The following ITGAV variants were observed in gnomAD, a reference collection of about 807,000 sequenced individuals.
ITGAV encodes the protein integrin subunit alpha V, also known as integrin alpha-V.
ITGAV carries 76 observed loss-of-function variants against 143.8 expected under a neutral mutation model. The ratio of observed to expected loss-of-function variants is 0.53; its 90% CI spans 0.44 to 0.64. The LOEUF (loss-of-function observed/expected upper bound fraction) is 0.64. ITGAV is among the 30% of genes least tolerant of loss of function. The probability of loss-of-function intolerance (pLI) is 0.00; values close to 1 mark genes in which losing one functional copy is unlikely to be tolerated. For synonymous variants in ITGAV, 453 were observed against 446.7 expected (o/e 1.01, Z -0.18); for missense variants, 1,193 against 1,274.7 (o/e 0.94, Z 0.98).
chr2:186,604,625 A>G (rs1158174173), intron 2 of ITGAV, among the ~76,000 whole-genome samples: 1 of 152,140 alleles, frequency 6.6e-6, no homozygotes, highest in Non-Finnish European at 1.5e-5. Flanking sequence ...ACCCATGGCA[A>G]CCTCATTTAT....
chr2:186,633,631 A>G (rs191478837), intron 6 of ITGAV, among the ~76,000 whole-genome samples: 1 of 151,602 alleles, frequency 6.6e-6, no homozygotes, highest in Non-Finnish European at 1.5e-5. Context: ...ATATATTTTA[A>G]AAGTAATTAT....
At chr2:186,644,336 T>G (rs79704943) in intron 12 of ITGAV, among the ~76,000 whole-genome samples, 1 of 146,824 alleles carries the variant, frequency 6.8e-6, no homozygotes, top group East Asian at 2.0e-4. Context: ...TTGTTTTTTG[T>G]TTTTTTTTTA....
chr2:186,625,883 C>T (rs1687665025), intron 4 of ITGAV, among the ~76,000 whole-genome samples: 1 of 152,004 alleles, frequency 6.6e-6, no homozygotes, highest in Non-Finnish European at 1.5e-5. Context: ...TCAAAAGATG[C>T]TTAGTTGAAC....
chr2:186,655,681 A>G (rs1038587030), intron 16 of ITGAV, among the ~76,000 whole-genome samples: 1 of 152,248 alleles, frequency 6.6e-6, no homozygotes, highest in African/African-American at 2.4e-5. Context: ...CCTAATTGCT[A>G]CATCCTTTTA....
intron 3 of ITGAV, among the ~76,000 whole-genome samples, 169 bp downstream of exon 3, chr2:186,622,599 C>G (rs1687561159): frequency 6.6e-6 from 1 of 152,192 alleles, no homozygotes. Context: ...GAGGCCATCT[C>G]TCTTGCCCTT....
chr2:186,627,726 C>CTGT lies in ITGAV; in HGVS notation c.523+2139_523+2140insTGT, dbSNP rs761816834. 3.3e-5 allele frequency among the ~76,000 whole-genome samples: 5 copies of CTGT among 152,078 alleles called. No homozygotes were observed. The East Asian group carries it at 9.6e-4, about 29-fold the overall frequency. ...TAGTACAGTTGTGAGAGTTGAGTTG[C>CTGT]CACACTGTGTGGCTCCTGAGCCTAA... On this transcript the variant is annotated intron_variant, in intron 4 of 29. Transcript: ENST00000261023.
chr2:186,644,915 A>G (rs1574487059), intron 12 of ITGAV, among the ~76,000 whole-genome samples: 1 of 152,138 alleles, frequency 6.6e-6, no homozygotes, highest in Non-Finnish European at 1.5e-5. Context: ...GGCATCGTTG[A>G]TGTTTCAGGG....
chr2:186,625,428 A>G, intron 3 of ITGAV, 45 bp from the exon 4 acceptor site: 1 of 1,325,534 alleles, frequency 7.5e-7, no homozygotes, highest in Non-Finnish European at 1.1e-6. Context: ...GAAACACTAA[A>G]TTTTTAGAAA....
At position 186,590,405 on chromosome 2, in the gene ITGAV, C is replaced by T. The variant is rs201836720; in HGVS notation, c.67C>T (p.Leu23Phe). The part of the protein sequence containing the change: ...PRGLPLLLSG[L>F]LLPLCRAFNL... ...CGGCCTCCCGCTTCTTCTCTCGGGACTCCTGCTACCTCTGTGCCGCGCCTT... is the reference window on the plus strand; with the variant it reads ...CGGCCTCCCGCTTCTTCTCTCGGGATTCCTGCTACCTCTGTGCCGCGCCTT... Residue 23 changes from leucine to phenylalanine, a missense_variant, in exon 1 of 30, where the codon CTC becomes TTC. Physicochemically the swap from Leu to Phe is conservative, Grantham distance 22. Transcript: ENST00000261023. 104 of 1,609,848 alleles carry T rather than the reference C, an allele frequency of 6.5e-5. No homozygotes were observed. The East Asian group carries it at 2.3e-3, about 36-fold the overall frequency.
At chr2:186,674,178 G>A (rs562077614) in intron 26 of ITGAV, among the ~76,000 whole-genome samples, 6 of 152,188 alleles carry the variant, frequency 3.9e-5, no homozygotes, top group South Asian at 2.1e-4. Flanking sequence ...ATCTCACTAC[G>A]TTGCCTAGGC....
intron 14 of ITGAV, among the ~76,000 whole-genome samples, chr2:186,650,786 G>A (rs1688403897): frequency 6.6e-6 from 1 of 152,024 alleles, no homozygotes; most frequent in Non-Finnish European, 1.5e-5. Flanking sequence ...CTGGGCTCAA[G>A]TGATCCACCA....
intron 2 of ITGAV, among the ~76,000 whole-genome samples, chr2:186,609,945 T>G (rs192449786): frequency 6.6e-6 from 1 of 152,112 alleles, no homozygotes; most frequent in East Asian, 1.9e-4. Context: ...GCCAAATAAA[T>G]TTACCATTAA....
intron 5 of ITGAV, among the ~76,000 whole-genome samples, chr2:186,631,514 T>C (rs1477494886): frequency 6.6e-6 from 1 of 152,164 alleles, no homozygotes; most frequent in East Asian, 1.9e-4. Flanking sequence ...TGTTTATTTA[T>C]TTTGGTGGTG....
At chr2:186,612,798 A>G (rs1687251187) in intron 2 of ITGAV, among the ~76,000 whole-genome samples, 1 of 152,144 alleles carries the variant, frequency 6.6e-6, no homozygotes, top group Non-Finnish European at 1.5e-5. Context: ...AGGTATCTCT[A>G]CAGTTGCAAC....
intron 2 of ITGAV, among the ~76,000 whole-genome samples, chr2:186,606,013 A>G (rs566731594): frequency 6.6e-6 from 1 of 152,140 alleles, no homozygotes; most frequent in South Asian, 2.1e-4. Flanking sequence ...TTTTATTCAA[A>G]TGGTGTTTAT....
intron 7 of ITGAV, among the ~76,000 whole-genome samples, 185 bp from the exon 8 acceptor site, chr2:186,636,876 TTGAG>T (rs1325680471): frequency 6.6e-6 from 1 of 152,220 alleles, no homozygotes; most frequent in Non-Finnish European, 1.5e-5. Flanking sequence ...AATAGACTAT[TTGAG>T]TATTTAACTC....
intron 19 of ITGAV, 73 bp downstream of exon 19, chr2:186,663,908 A>G (rs3816386): frequency 0.29 from 283,185 of 968,354 alleles, 42,975 homozygotes; most frequent in South Asian, 0.39. Context: ...TCAAAGGACT[A>G]ACATATTTTA....
At position 186,677,371 on chromosome 2, in the gene ITGAV, G is replaced by C. The variant is rs1030691573; in HGVS notation, c.*79G>C. The C allele has an allele frequency of 1.8e-6, 2 of 1,110,874 alleles. No individual in the cohort carries two copies. The highest frequency in any genetic ancestry group is 2.7e-6 in the Non-Finnish European group (2 of 751,858). 68.8% of individuals were successfully genotyped at this position (1,110,874 alleles called of 1,614,324 possible). A position where few individuals can be genotyped will look rare whatever the true frequency, so the allele number is the denominator to read the frequency against. On this transcript the variant is annotated 3_prime_UTR_variant, in exon 30 of 30. Transcript: ENST00000261023. The stretch of plus-strand genomic sequence containing the variant: ...TATAGATTTAAACTTTCTTCATGAG[G>C]AGTAAAAATCCAAGGCTTTACTGCT...
chr2:186,604,284 G>A (rs557511050), intron 2 of ITGAV, among the ~76,000 whole-genome samples: 9 of 151,822 alleles, frequency 5.9e-5, no homozygotes, highest in African/African-American at 2.2e-4. Context: ...TCCCTGCACC[G>A]TTCTAACAAT....
Sources: allele counts gnomAD v4.1 joint callset (sites outside exome capture counted in the v4.1 genomes callset), GRCh38; gene constraint gnomAD v4.1.1; transcripts MANE v1.5; gene names NCBI Gene and HGNC (gene_info 2026-07-23, HGNC 2026-07-21).